KCNQ5: variants seen among roughly 807,000 people sequenced by gnomAD.
KCNQ5 encodes potassium voltage-gated channel subfamily Q member 5, also known as potassium voltage-gated channel subfamily KQT member 5.
Under a neutral mutation model 98.2 loss-of-function variants are expected in KCNQ5, and 30 were observed. The ratio of observed to expected loss-of-function variants is 0.31; its 90% CI spans 0.23 to 0.41. KCNQ5 has a LOEUF of 0.41. KCNQ5 is among the 10% of genes least tolerant of loss of function. KCNQ5 has a pLI of 1.00. For missense variants in KCNQ5, 835 were observed against 1,182.5 expected, an observed-to-expected ratio of 0.71 and a Z score of 4.31; for synonymous variants, 458 against 449.4, an observed-to-expected ratio of 1.02 and a Z score of -0.24.
chr6:72,838,975 A>ATATG (rs972453258), intron 1 of KCNQ5, among the ~76,000 whole-genome samples: 3 of 150,708 alleles, frequency 2.0e-5, no homozygotes, highest in African/African-American at 7.3e-5. Flanking sequence ...AAAAAAAAGA[A>ATATG]TATGGAGCTG....
chr6:72,931,493 A>G (rs1238536033), intron 1 of KCNQ5, among the ~76,000 whole-genome samples: 1 of 152,190 alleles, frequency 6.6e-6, no homozygotes, highest in African/African-American at 2.4e-5. Flanking sequence ...AAGATCCTAA[A>G]TCACTAGGAC....
At chr6:72,746,299 T>C (rs1771404392) in intron 1 of KCNQ5, among the ~76,000 whole-genome samples, 1 of 152,284 alleles carries the variant, frequency 6.6e-6, no homozygotes, top group African/African-American at 2.4e-5. Context: ...TTGCTACCGA[T>C]TGCCACCTTA....
intron 1 of KCNQ5, among the ~76,000 whole-genome samples, chr6:72,833,532 A>G (rs936704676): frequency 2.6e-5 from 4 of 152,146 alleles, no homozygotes; most frequent in African/African-American, 9.7e-5. Context: ...AAAATGTAGC[A>G]TTTTTACTGG....
intron 1 of KCNQ5, among the ~76,000 whole-genome samples, chr6:72,668,164 G>A (rs1177053771): frequency 1.3e-5 from 2 of 152,248 alleles, no homozygotes; most frequent in East Asian, 1.9e-4. Context: ...TCCTATACAC[G>A]ATAGTACAGG....
intron 9 of KCNQ5, 127 bp downstream of exon 9, chr6:73,124,639 A>T: frequency 1.2e-6 from 1 of 850,914 alleles, no homozygotes. Flanking sequence ...CTTTCACAAG[A>T]TTGCCTGCAA....
intron 1 of KCNQ5, among the ~76,000 whole-genome samples, chr6:72,707,776 C>A (rs1477444174): frequency 6.6e-6 from 1 of 152,162 alleles, no homozygotes; most frequent in Non-Finnish European, 1.5e-5. Context: ...TGCAGTGGTG[C>A]AATCATAGCT....
intron 1 of KCNQ5, among the ~76,000 whole-genome samples, chr6:72,802,213 G>A (rs983639190): frequency 1.2e-4 from 18 of 152,218 alleles, no homozygotes; most frequent in Admixed American, 5.2e-4. Flanking sequence ...ATAATATCCT[G>A]CAGAGTGTTT....
chr6:73,164,242 T>C (rs1041104095), intron 10 of KCNQ5, among the ~76,000 whole-genome samples: 8 of 152,160 alleles, frequency 5.3e-5, no homozygotes, highest in Non-Finnish European at 8.8e-5. Context: ...GGTGTACTTA[T>C]GAAGCAGAAA....
intron 1 of KCNQ5, among the ~76,000 whole-genome samples, chr6:72,719,807 G>A (rs1375560634): frequency 6.6e-5 from 10 of 152,148 alleles, no homozygotes; most frequent in Non-Finnish European, 5.9e-5. Flanking sequence ...CTCTAATGCA[G>A]GCAGTTCTCT....
At chr6:73,100,508 A>G (rs1774724756) in intron 5 of KCNQ5, among the ~76,000 whole-genome samples, 1 of 58,816 alleles carries the variant, frequency 1.7e-5, no homozygotes, top group Admixed American at 1.6e-4. Flanking sequence ...CTACTAAAAA[A>G]TACAAAAAAA....
intron 1 of KCNQ5, among the ~76,000 whole-genome samples, chr6:72,918,961 T>C (rs578226292): frequency 1.5e-4 from 23 of 152,340 alleles, no homozygotes; most frequent in African/African-American, 4.6e-4. Flanking sequence ...TTGTCTTCTC[T>C]CGTCTTCTTT....
intron 10 of KCNQ5, among the ~76,000 whole-genome samples, chr6:73,144,501 T>C (rs1776845913): frequency 6.6e-6 from 1 of 152,228 alleles, no homozygotes; most frequent in African/African-American, 2.4e-5. Context: ...TCTATTGGAA[T>C]TGATGACTAA....
At chr6:73,032,299 C>G (rs539323883) in intron 2 of KCNQ5, among the ~76,000 whole-genome samples, 1 of 152,302 alleles carries the variant, frequency 6.6e-6, no homozygotes, top group South Asian at 2.1e-4. Flanking sequence ...TCCTGAGTAG[C>G]TGGGATTACA....
intron 11 of KCNQ5, among the ~76,000 whole-genome samples, chr6:73,189,825 A>G (rs1765518469): frequency 6.6e-6 from 1 of 152,120 alleles, no homozygotes; most frequent in Non-Finnish European, 1.5e-5. Context: ...AGGCATTGTT[A>G]TAAGAGGTCC....
intron 1 of KCNQ5, among the ~76,000 whole-genome samples, chr6:72,855,572 T>C (rs892818605): frequency 6.6e-5 from 10 of 152,240 alleles, no homozygotes; most frequent in Admixed American, 5.2e-4. Flanking sequence ...TTTTTATTTA[T>C]ACTGACAAGA....
At chr6:73,051,482 G>A (rs1413802557) in intron 3 of KCNQ5, among the ~76,000 whole-genome samples, 1 of 152,172 alleles carries the variant, frequency 6.6e-6, no homozygotes, top group Non-Finnish European at 1.5e-5. Flanking sequence ...ATTGTGGCCA[G>A]AGGTGCAGGA....
intron 1 of KCNQ5, among the ~76,000 whole-genome samples, chr6:72,823,605 T>C (rs1445670142): frequency 6.6e-6 from 1 of 152,192 alleles, no homozygotes; most frequent in Non-Finnish European, 1.5e-5. Flanking sequence ...AAGGGAGACC[T>C]GCAAGTTGTT....
At chr6:73,135,649 G>A (rs888720661) in intron 10 of KCNQ5, 1 of 152,174 alleles carries the variant, frequency 6.6e-6, no homozygotes, top group Non-Finnish European at 1.5e-5. Flanking sequence ...TCTTTGTTGA[G>A]TGCAGACATA....
In KCNQ5 at chr6:73,195,264, A is replaced by G. The variant is rs1296022020; in HGVS notation, c.2649A>G (p.Thr883=). 4 of 1,614,202 alleles carry G rather than the reference A, an allele frequency of 2.5e-6. No homozygotes were observed. Among genetic ancestry groups the G allele is most frequent in the South Asian group, 1.1e-5 (1 of 91,084 alleles). Residue 883 remains threonine, a synonymous_variant, in exon 14 of 14, where the codon ACA becomes ACG. Coordinates refer to ENST00000370398, the MANE Select transcript of KCNQ5 (RefSeq NM_019842.4). The part of the protein sequence containing the change: ...DEEVGPEETE[T]DTFDAAPQPA... ...AGGTGGGTCCCGAAGAGACAGAGACAGACACTTTTGATGCCGCACCGCAGC... is the reference window on the plus strand; with the variant it reads ...AGGTGGGTCCCGAAGAGACAGAGACGGACACTTTTGATGCCGCACCGCAGC...
Sources: allele counts gnomAD v4.1 joint callset (sites outside exome capture counted in the v4.1 genomes callset), GRCh38; gene constraint gnomAD v4.1.1; transcripts MANE v1.5; gene names NCBI Gene and HGNC (gene_info 2026-07-23, HGNC 2026-07-21).